The following CAMK1G variants were observed in gnomAD, a reference collection of about 807,000 sequenced individuals.
The protein encoded by CAMK1G is calcium/calmodulin-dependent protein kinase type 1G.
A neutral mutation model predicts 54.8 loss-of-function variants in CAMK1G; 27 were observed. The ratio of observed to expected loss-of-function variants is 0.49; its 90% CI spans 0.36 to 0.68. CAMK1G has a LOEUF of 0.68. Ranked by LOEUF, CAMK1G falls within the 30% of genes least tolerant of loss-of-function variation. CAMK1G has a pLI of 0.00. For synonymous variants in CAMK1G, 238 were observed against 224.9 expected, an observed-to-expected ratio of 1.06 and a Z score of -0.52; for missense variants, 512 against 591.0, an observed-to-expected ratio of 0.87 and a Z score of 1.39.
At chr1:209,583,851 A>G (rs1327557723) in intron 1 of CAMK1G, 79 bp downstream of exon 1, 1 of 152,096 alleles carries the variant, frequency 6.6e-6, no homozygotes, top group Non-Finnish European at 1.5e-5. Context: ...TAGTGAGTGG[A>G]TTTGAAGAGC....
chr1:209,598,449 A>C (rs2102387149), intron 2 of CAMK1G, among the ~76,000 whole-genome samples: 1 of 152,328 alleles, frequency 6.6e-6, no homozygotes, highest in East Asian at 1.9e-4. Context: ...GTCACATTGA[A>C]AGTGGCATGA....
At chr1:209,584,240 C>T (rs1480751159) in intron 1 of CAMK1G, among the ~76,000 whole-genome samples, 4 of 152,224 alleles carry the variant, frequency 2.6e-5, no homozygotes, top group South Asian at 2.1e-4. Flanking sequence ...CCCTCTCTGC[C>T]GACCTCTTTG....
intron 2 of CAMK1G, among the ~76,000 whole-genome samples, chr1:209,597,052 G>A (rs1220287802): frequency 6.6e-6 from 1 of 152,174 alleles, no homozygotes; most frequent in Non-Finnish European, 1.5e-5. Context: ...TTAGAGCTGA[G>A]CGAAAGAGAA....
Position 209,600,048 on chromosome 1 carries a change from G to T in CAMK1G, c.158G>T (p.Cys53Phe). The stretch of plus-strand genomic sequence containing the variant: ...ACTGGGAAGCTCTTTGCTCTGAAGT[G>T]CATCAAGAAGTCACCTGCCTTCCGG... ...RLTGKLFALKCIKKSPAFRDS... is the reference protein window; with the variant it reads ...RLTGKLFALKFIKKSPAFRDS... The change falls in exon 3 of 13, where the codon TGC becomes TTC. Residue 53 changes from cysteine (C) to phenylalanine (F), a missense_variant. This residue lies in a region of CAMK1G where 186 missense variants were observed against 231.5 expected (regional missense o/e 0.80). Coordinates refer to ENST00000361322, the MANE Select transcript of CAMK1G (RefSeq NM_020439.3). 2 of 1,613,982 alleles carry T rather than the reference G, an allele frequency of 1.2e-6. No individual in the cohort carries two copies. The highest frequency in any genetic ancestry group is 2.2e-5 in the East Asian group (1 of 44,892).
chr1:209,606,612 C>T (rs994116670), intron 6 of CAMK1G, among the ~76,000 whole-genome samples, 169 bp downstream of exon 6: 1 of 152,218 alleles, frequency 6.6e-6, no homozygotes, highest in Non-Finnish European at 1.5e-5. Flanking sequence ...GTCTCAGGAT[C>T]TATCTCTACT....
At chr1:209,584,597 C>T (rs1011093413) in intron 1 of CAMK1G, among the ~76,000 whole-genome samples, 7 of 152,166 alleles carry the variant, frequency 4.6e-5, no homozygotes, top group Non-Finnish European at 8.8e-5. Flanking sequence ...AACTTTGACG[C>T]ACAAACATTA....
chr1:209,612,646 A>G (rs1665811345), intron 11 of CAMK1G, 139 bp from the exon 12 acceptor site: 1 of 658,660 alleles, frequency 1.5e-6, no homozygotes, highest in Middle Eastern at 2.7e-4. Flanking sequence ...TCTTTTCTGC[A>G]GGTTCTTGAA....
At chr1:209,586,944 T>C (rs1483371450) in intron 1 of CAMK1G, among the ~76,000 whole-genome samples, 3 of 152,108 alleles carry the variant, frequency 2.0e-5, no homozygotes, top group Admixed American at 6.5e-5. Flanking sequence ...AGGAGAGATT[T>C]TGTTAAACTT....
At position 209,605,244 on chromosome 1, in the gene CAMK1G, G is replaced by C. The variant is rs192035365; in HGVS notation, c.297-292G>C. ...GCTAAGAAGTGTGTCCACACTAAGG[G>C]ATTATTGGCTTCTTGTGCAGCCCCA... On this transcript the variant is annotated intron_variant, in intron 4 of 12. Coordinates refer to ENST00000361322, the MANE Select transcript of CAMK1G (RefSeq NM_020439.3). Among the ~76,000 whole-genome samples the C allele has an allele frequency of 1.9e-3, 291 of 152,240 alleles. 2 individuals carry two copies. The highest frequency in any genetic ancestry group is 6.8e-3 in the African/African-American group (283 of 41,540).
In CAMK1G at chr1:209,613,023, G is replaced by T. The variant is rs1312503010; in HGVS notation, c.*38-17G>T. 4.9e-6 allele frequency: 3 copies of T among 608,808 alleles called. No homozygotes were observed. Among genetic ancestry groups the T allele is most frequent in the Non-Finnish European group, 8.9e-6 (3 of 337,826 alleles). 37.7% of individuals were successfully genotyped at this position (608,808 alleles called of 1,614,324 possible). A position where few individuals can be genotyped will look rare whatever the true frequency, so the allele number is the denominator to read the frequency against. On this transcript the variant is annotated splice_polypyrimidine_tract_variant and intron_variant, in intron 12 of 12. Transcript: ENST00000361322. ...GGTGGCAACCCCCTCCTCACTCTGA[G>T]CCCCTTTCTCTTGCAGGAGACATAT... is the stretch of plus-strand genomic sequence containing the variant.
At chr1:209,585,485 G>T (rs1400131462) in intron 1 of CAMK1G, among the ~76,000 whole-genome samples, 1 of 152,182 alleles carries the variant, frequency 6.6e-6, no homozygotes, top group Non-Finnish European at 1.5e-5. Context: ...CAATTCAGTT[G>T]TATCATTCAC....
chr1:209,602,300 A>T (rs2102389848), intron 3 of CAMK1G, among the ~76,000 whole-genome samples: 1 of 152,310 alleles, frequency 6.6e-6, no homozygotes, highest in Non-Finnish European at 1.5e-5. Context: ...ATGTCTCAAG[A>T]TATTGCCAAA....
rs568064238 is a variant in CAMK1G at position 209,601,494 on chromosome 1, C to A, written c.221+1383C>A. 4.1e-4 allele frequency among the ~76,000 whole-genome samples: 63 copies of A among 152,304 alleles called. 1 individual carries two copies. Among genetic ancestry groups the A allele is most frequent in the Admixed American group, 3.8e-3 (58 of 15,304 alleles). ...GAATATGAGTATCCACCTATCTCAA[C>A]ATGAAGGCATTTCATAACATGCTGG... On this transcript the variant is annotated intron_variant, in intron 3 of 12. Transcript: ENST00000361322.
intron 1 of CAMK1G, among the ~76,000 whole-genome samples, chr1:209,590,913 G>C (rs1455132166): frequency 1.3e-5 from 2 of 152,010 alleles, no homozygotes; most frequent in African/African-American, 4.8e-5. Context: ...AACCTGATAA[G>C]ATTAACATGC....
At chr1:209,607,086 C>T (rs1665669526) in intron 6 of CAMK1G, among the ~76,000 whole-genome samples, 1 of 152,176 alleles carries the variant, frequency 6.6e-6, no homozygotes, top group African/African-American at 2.4e-5. Context: ...CTGTCCCTTC[C>T]CACTTCACCA....
chr1:209,611,330 C>T, intron 9 of CAMK1G, 135 bp from the exon 10 acceptor site: 1 of 728,496 alleles, frequency 1.4e-6, no homozygotes, highest in South Asian at 1.8e-5. Flanking sequence ...CTGCTTGCAG[C>T]CCTTTCCTGC....
At chr1:209,609,113 G>T in intron 8 of CAMK1G, 21 bp downstream of exon 8, 1 of 1,614,032 alleles carries the variant, frequency 6.2e-7, no homozygotes, top group African/African-American at 1.3e-5. Context: ...TAGGCATGAA[G>T]GAGAGATAAC....
intron 4 of CAMK1G, among the ~76,000 whole-genome samples, chr1:209,605,094 G>A (rs2235454): frequency 0.2 from 30,441 of 151,998 alleles, 3,421 homozygotes; most frequent in African/African-American, 0.3. Flanking sequence ...AAAATGAGAA[G>A]AGAAATCTTG....
intron 1 of CAMK1G, among the ~76,000 whole-genome samples, chr1:209,592,440 G>C (rs1305928073): frequency 6.6e-6 from 1 of 151,738 alleles, no homozygotes; most frequent in African/African-American, 2.4e-5. Context: ...ACTCTCATGA[G>C]CTGACATGAG....
Sources: allele counts gnomAD v4.1 joint callset (sites outside exome capture counted in the v4.1 genomes callset), GRCh38; gene constraint gnomAD v4.1.1; regional missense constraint gnomAD v4.1.1; transcripts MANE v1.5; gene names NCBI Gene and HGNC (gene_info 2026-07-23, HGNC 2026-07-21).